The following SPACA5 variants were observed in gnomAD, a reference collection of about 807,000 sequenced individuals.
SPACA5 encodes the protein sperm acrosome associated 5.
At chrX:48,006,592 T>A (rs1373789814), upstream of SPACA5, among the ~76,000 whole-genome samples, 1 of 102,191 alleles carries the variant, frequency 9.8e-6, no homozygotes, top group Non-Finnish European at 2.0e-5. Flanking sequence ...AATCGGCAAA[T>A]GTGAATGAGC....
chrX:48,006,202 C>T (rs2058995656), upstream of SPACA5, among the ~76,000 whole-genome samples: 1 of 113,775 alleles, frequency 8.8e-6, no homozygotes, highest in Non-Finnish European at 1.9e-5. Context: ...GGCACAGTCT[C>T]AGCGGAAAAA....
chrX:48,004,666 T>G (rs1170160514), upstream of SPACA5, among the ~76,000 whole-genome samples: 1 of 11,535 alleles, frequency 8.7e-5, no homozygotes, highest in East Asian at 1.8e-3. Flanking sequence ...TAGGGCCTCC[T>G]TGGCCAGGGA....
upstream of SPACA5, among the ~76,000 whole-genome samples, chrX:48,006,442 G>A (rs1318557025): frequency 8.7e-6 from 1 of 114,984 alleles, no homozygotes; most frequent in Admixed American, 9.1e-5. Flanking sequence ...AGTGGAGATG[G>A]ATACATGGTA....
At chrX:48,004,354 G>A (rs1157856641), upstream of SPACA5, 1 of 107,434 alleles carries the variant, frequency 9.3e-6, no homozygotes, top group Non-Finnish European at 1.9e-5. Context: ...CAGGGTTGCA[G>A]GTGTAAAATA....
At chrX:48,006,556 C>T (rs1207892677), upstream of SPACA5, among the ~76,000 whole-genome samples, 4 of 111,104 alleles carry the variant, frequency 3.6e-5, no homozygotes, top group Non-Finnish European at 7.6e-5. Context: ...AGCCCAGGAA[C>T]GTGGGTGCAC....
upstream of SPACA5, chrX:48,004,359 A>G (rs1556902407): frequency 1.9e-5 from 2 of 106,887 alleles, no homozygotes; most frequent in Non-Finnish European, 3.9e-5. Flanking sequence ...TTGCAGGTGT[A>G]AAATAACGGG....
chrX:48,006,569 G>A (rs1216027735), upstream of SPACA5, among the ~76,000 whole-genome samples: 5 of 109,211 alleles, frequency 4.6e-5, no homozygotes, highest in African/African-American at 6.6e-5. Flanking sequence ...GGGTGCACAG[G>A]GATCCCAGTG....
At chrX:48,006,487 T>A (rs2058996544), upstream of SPACA5, among the ~76,000 whole-genome samples, 1 of 114,748 alleles carries the variant, frequency 8.7e-6, no homozygotes, top group East Asian at 2.7e-4. Flanking sequence ...GTGTGGGTGC[T>A]ACGAGGGAGA....
At chrX:48,004,467 G>A (rs782394823), upstream of SPACA5, 3 of 81,272 alleles carry the variant, frequency 3.7e-5, no homozygotes, top group South Asian at 1.7e-3. Context: ...GGGAGTTTAC[G>A]TTGTAGCGTT....
At chrX:48,006,585 C>A (rs782277935), upstream of SPACA5, among the ~76,000 whole-genome samples, 2 of 104,473 alleles carry the variant, frequency 1.9e-5, no homozygotes, top group African/African-American at 7.0e-5. Context: ...CAGTGGGAAT[C>A]GGCAAATGTG....
upstream of SPACA5, among the ~76,000 whole-genome samples, chrX:48,006,214 G>A (rs1556902709): frequency 8.8e-6 from 1 of 114,099 alleles, no homozygotes; most frequent in Non-Finnish European, 1.9e-5. Context: ...GCGGAAAAAA[G>A]GTGAAAGTGG....
upstream of SPACA5, among the ~76,000 whole-genome samples, chrX:48,006,161 AT>A (rs1273996768): frequency 8.8e-6 from 1 of 113,269 alleles, no homozygotes; most frequent in East Asian, 2.8e-4. Context: ...ATTTGAGATT[AT>A]GATGAGATTA....
chrX:48,006,669 G>A (rs1299644868), upstream of SPACA5, among the ~76,000 whole-genome samples: 1 of 96,036 alleles, frequency 1.0e-5, no homozygotes, highest in Non-Finnish European at 2.1e-5. Flanking sequence ...AAGAGCAGAG[G>A]ATGGGTGAAC....
At chrX:48,006,135 A>G (rs1305936633), upstream of SPACA5, among the ~76,000 whole-genome samples, 1 of 112,152 alleles carries the variant, frequency 8.9e-6, no homozygotes, top group Non-Finnish European at 1.9e-5. Flanking sequence ...CTATGCATGC[A>G]TTCAATTATG....
upstream of SPACA5, among the ~76,000 whole-genome samples, chrX:48,006,416 A>G (rs1475801895): frequency 1.7e-5 from 2 of 115,000 alleles, no homozygotes; most frequent in East Asian, 2.7e-4. Flanking sequence ...GGGGTGCGGG[A>G]GGGACAGAAT....
upstream of SPACA5, among the ~76,000 whole-genome samples, chrX:48,006,737 G>A (rs1184201449): frequency 2.5e-5 from 2 of 78,445 alleles, no homozygotes; most frequent in African/African-American, 4.7e-5. Flanking sequence ...TGAGTAAAGC[G>A]AGGAAACATG....
upstream of SPACA5, among the ~76,000 whole-genome samples, chrX:48,006,489 C>T (rs1386956286): frequency 4.4e-5 from 5 of 114,664 alleles, no homozygotes; most frequent in Admixed American, 1.8e-4. Flanking sequence ...GTGGGTGCTA[C>T]GAGGGAGAAG....
upstream of SPACA5, among the ~76,000 whole-genome samples, chrX:48,006,412 C>T (rs1402839473): frequency 4.4e-5 from 5 of 114,891 alleles, no homozygotes; most frequent in Non-Finnish European, 3.7e-5. Flanking sequence ...GAATGGGGTG[C>T]GGGAGGGACA....
At chrX:48,006,593 G>A (rs1447675879), upstream of SPACA5, among the ~76,000 whole-genome samples, 24 of 103,177 alleles carry the variant, frequency 2.3e-4, no homozygotes, top group Admixed American at 1.4e-3. Context: ...ATCGGCAAAT[G>A]TGAATGAGCT....
Sources: allele counts gnomAD v4.1 joint callset (sites outside exome capture counted in the v4.1 genomes callset), GRCh38; gene constraint gnomAD v4.1.1; transcripts MANE v1.5; gene names NCBI Gene and HGNC (gene_info 2026-07-23, HGNC 2026-07-21).